EPHA3: variants seen among roughly 807,000 people sequenced by gnomAD.
EPHA3 encodes EPH receptor A3.
A neutral mutation model predicts 107.1 loss-of-function variants in EPHA3; 42 were observed. That is an observed-to-expected ratio of 0.39 (90% CI 0.31 to 0.51). The LOEUF (loss-of-function observed/expected upper bound fraction) is 0.51. Among genes scored for constraint, EPHA3 ranks in the 20% least tolerant of loss-of-function variants. EPHA3 has a pLI of 0.78. For synonymous variants in EPHA3, 461 were observed against 424.8 expected, an observed-to-expected ratio of 1.09 and a Z score of -1.05; for missense variants, 1,183 against 1,211.2, an observed-to-expected ratio of 0.98 and a Z score of 0.35.
chr3:89,297,492 T>TA (rs1706383457), intron 3 of EPHA3, among the ~76,000 whole-genome samples: 1 of 152,134 alleles, frequency 6.6e-6, no homozygotes, highest in Non-Finnish European at 1.5e-5. Context: ...ATGGGCATGG[T>TA]TCATGCTATC....
intron 5 of EPHA3, among the ~76,000 whole-genome samples, chr3:89,363,863 T>C (rs1156877667): frequency 6.6e-6 from 1 of 150,838 alleles, no homozygotes; most frequent in Non-Finnish European, 1.5e-5. Flanking sequence ...TGAGAGTCTT[T>C]TTTTAGGTTT....
At chr3:89,195,175 GT>G (rs1345058934) in intron 2 of EPHA3, among the ~76,000 whole-genome samples, 1 of 151,612 alleles carries the variant, frequency 6.6e-6, no homozygotes, top group Non-Finnish European at 1.5e-5. Context: ...TGTGTTTCAT[GT>G]TGACATTATT....
chr3:89,163,645 T>A (rs1479178741), intron 2 of EPHA3, among the ~76,000 whole-genome samples: 2 of 152,134 alleles, frequency 1.3e-5, no homozygotes, highest in Admixed American at 1.3e-4. Context: ...GTTGTGAGTA[T>A]CTTAACTACA....
intron 1 of EPHA3, among the ~76,000 whole-genome samples, chr3:89,109,512 A>G (rs1707050960): frequency 6.6e-6 from 1 of 152,042 alleles, no homozygotes; most frequent in African/African-American, 2.4e-5. Flanking sequence ...AGATATGGAT[A>G]TTACTGAATT....
chr3:89,385,125 A>G (rs1708590054), intron 5 of EPHA3, among the ~76,000 whole-genome samples: 1 of 152,202 alleles, frequency 6.6e-6, no homozygotes, highest in Admixed American at 6.5e-5. Flanking sequence ...AATATACTGC[A>G]TTTTCTAAAA....
chr3:89,187,353 A>G (rs1454115745), intron 2 of EPHA3, among the ~76,000 whole-genome samples: 1 of 148,568 alleles, frequency 6.7e-6, no homozygotes, highest in Non-Finnish European at 1.5e-5. Context: ...TAAATAATAT[A>G]CATTATAAAT....
At chr3:89,322,098 A>T (rs903521810) in intron 3 of EPHA3, among the ~76,000 whole-genome samples, 3 of 151,942 alleles carry the variant, frequency 2.0e-5, no homozygotes, top group African/African-American at 7.3e-5. Flanking sequence ...AACTGCACAC[A>T]CACACAAACA....
chr3:89,423,378 G>A (rs1215310203), intron 11 of EPHA3, among the ~76,000 whole-genome samples: 2 of 151,210 alleles, frequency 1.3e-5, no homozygotes, highest in African/African-American at 2.4e-5. Flanking sequence ...TGGAATAAGA[G>A]GTCATCATTT....
At chr3:89,299,747 C>A (rs933776474) in intron 3 of EPHA3, among the ~76,000 whole-genome samples, 2 of 151,884 alleles carry the variant, frequency 1.3e-5, no homozygotes, top group African/African-American at 4.8e-5. Context: ...ATTACTAAAA[C>A]GTTATAGGCA....
chr3:89,274,485 TTGTC>T (rs1705757401), intron 3 of EPHA3, among the ~76,000 whole-genome samples: 1 of 151,992 alleles, frequency 6.6e-6, no homozygotes, highest in Non-Finnish European at 1.5e-5. Context: ...TCATTAGACT[TTGTC>T]TAATGATCTG....
chr3:89,196,591 G>A (rs1705841851), intron 2 of EPHA3, among the ~76,000 whole-genome samples: 1 of 148,156 alleles, frequency 6.7e-6, no homozygotes, highest in South Asian at 2.1e-4. Flanking sequence ...TTGGAATTTT[G>A]GGGGTTTTAT....
intron 5 of EPHA3, among the ~76,000 whole-genome samples, chr3:89,393,104 A>T (rs1229413143): frequency 6.6e-6 from 1 of 152,176 alleles, no homozygotes; most frequent in Admixed American, 6.5e-5. Flanking sequence ...ACTTTTCTGA[A>T]ATGCAGCCAG....
chr3:89,220,127 G>A (rs1001953884), intron 3 of EPHA3, among the ~76,000 whole-genome samples: 10 of 152,258 alleles, frequency 6.6e-5, no homozygotes, highest in African/African-American at 2.4e-4. Context: ...ATAGCAAAGA[G>A]TTATGCAGAC....
rs754453792 is a variant in EPHA3 at position 89,127,290 on chromosome 3, A to C, written c.153+17A>C. ...TCACATGGGGTGAGTTCAATAAACT[A>C]TCACAAGGAAACATTTTCTCTATTA... On this transcript the variant is annotated intron_variant, in intron 2 of 16. Transcript: ENST00000336596. 1.9e-6 allele frequency: 3 copies of C among 1,592,600 alleles called. No individual in the cohort carries two copies. Among genetic ancestry groups the C allele is most frequent in the Non-Finnish European group, 2.6e-6 (3 of 1,161,168 alleles).
chr3:89,380,910 A>C lies in EPHA3; in HGVS notation c.1307-14927A>C, dbSNP rs565730565. 1.6e-3 allele frequency among the ~76,000 whole-genome samples: 243 copies of C among 152,154 alleles called. 2 individuals carry two copies. The highest frequency in any genetic ancestry group is 5.3e-3 in the African/African-American group (219 of 41,524). On this transcript the variant is annotated intron_variant, in intron 5 of 16. Transcript: ENST00000336596. ...CAGCCTCCCAAGTAGCTGGGATTACAGGTGCCTGCCACCACTCCCGGCTAA... is the reference window on the plus strand; with the variant it reads ...CAGCCTCCCAAGTAGCTGGGATTACCGGTGCCTGCCACCACTCCCGGCTAA...
intron 1 of EPHA3, among the ~76,000 whole-genome samples, chr3:89,116,719 TA>T (rs140739470): frequency 0.019 from 2,557 of 132,462 alleles, 56 homozygotes; most frequent in African/African-American, 0.064. Context: ...ACTGTAACAT[TA>T]AAAAAAAAAA....
chr3:89,294,448 G>T (rs1279938800), intron 3 of EPHA3, among the ~76,000 whole-genome samples: 1 of 152,048 alleles, frequency 6.6e-6, no homozygotes, highest in Non-Finnish European at 1.5e-5. Context: ...CTTTTTCTCT[G>T]TGTTCTTCAT....
intron 2 of EPHA3, among the ~76,000 whole-genome samples, chr3:89,145,975 A>C (rs2107028677): frequency 6.6e-6 from 1 of 152,052 alleles, no homozygotes; most frequent in South Asian, 2.1e-4. Context: ...ATAGATGCTA[A>C]TTTTGGAAAG....
chr3:89,113,329 C>G (rs183395050), intron 1 of EPHA3, among the ~76,000 whole-genome samples: 17 of 151,572 alleles, frequency 1.1e-4, no homozygotes, highest in African/African-American at 4.1e-4. Context: ...TCAGTGTGTT[C>G]GGGGTGTGGA....
Sources: gnomAD v4.1 joint callset for allele counts (sites outside exome capture counted in the v4.1 genomes callset) on GRCh38, gnomAD v4.1.1 for gene constraint, MANE v1.5 for transcripts, NCBI Gene and HGNC (gene_info 2026-07-23, HGNC 2026-07-21) for gene names.